RASSF3: variants seen among roughly 807,000 people sequenced by gnomAD.
RASSF3 encodes the protein Ras association domain family member 3.
Under a neutral mutation model 19.9 loss-of-function variants are expected in RASSF3, and 19 were observed. That is an observed-to-expected ratio of 0.96 (90% CI 0.67 to 1.40). The LOEUF (loss-of-function observed/expected upper bound fraction) is 1.40, where lower values mean the gene tolerates loss of function less well. Ranked by LOEUF, RASSF3 falls within the 40% of genes most tolerant of loss-of-function variation. RASSF3 has a pLI of 0.00. For synonymous variants in RASSF3, 110 were observed against 104.2 expected, an observed-to-expected ratio of 1.06 and a Z score of -0.34; for missense variants, 306 against 289.8, an observed-to-expected ratio of 1.06 and a Z score of -0.41.
chr12:64,548,003 G>A (rs1220266668), intron 2 of RASSF3, among the ~76,000 whole-genome samples: 1 of 151,834 alleles, frequency 6.6e-6, no homozygotes, highest in Non-Finnish European at 1.5e-5. Flanking sequence ...TCGTAAAACT[G>A]GAAATCAGTA....
chr12:64,597,564 C>A (rs1412822014), intron 2 of RASSF3, among the ~76,000 whole-genome samples: 1 of 151,930 alleles, frequency 6.6e-6, no homozygotes, highest in Non-Finnish European at 1.5e-5. Flanking sequence ...TCAAGTGATT[C>A]TCCTGCCTCA....
chr12:64,583,566 G>A (rs1353193165), intron 2 of RASSF3, among the ~76,000 whole-genome samples: 1 of 152,210 alleles, frequency 6.6e-6, no homozygotes, highest in African/African-American at 2.4e-5. Context: ...AGGTTATAGT[G>A]AGCCAAGATT....
At chr12:64,660,930 C>T (rs1178073087) in intron 1 of RASSF3, among the ~76,000 whole-genome samples, 1 of 152,266 alleles carries the variant, frequency 6.6e-6, no homozygotes, top group Non-Finnish European at 1.5e-5. Context: ...AGCACACGAG[C>T]TTTCCTCCGA....
At chr12:64,566,966 C>G (rs895547015) in intron 2 of RASSF3, among the ~76,000 whole-genome samples, 2 of 152,142 alleles carry the variant, frequency 1.3e-5, no homozygotes, top group Non-Finnish European at 2.9e-5. Context: ...AAGGCTGAGA[C>G]CTTGAATCCT....
chr12:64,557,069 T>C (rs929457254), intron 2 of RASSF3, among the ~76,000 whole-genome samples: 1 of 152,046 alleles, frequency 6.6e-6, no homozygotes, highest in African/African-American at 2.4e-5. Flanking sequence ...CCTCCTGACC[T>C]CAGGTGATCC....
chr12:64,562,624 A>ATTTATTTTAT (rs10692627), intron 2 of RASSF3, among the ~76,000 whole-genome samples: 75,935 of 150,978 alleles, frequency 0.5, 21,919 homozygotes, highest in Non-Finnish European at 0.65. Flanking sequence ...TTTAAATTTT[A>ATTTATTTTAT]TTTATTTTAT....
intron 2 of RASSF3, among the ~76,000 whole-genome samples, chr12:64,553,989 A>AG (rs1213687541): frequency 6.6e-6 from 1 of 151,732 alleles, no homozygotes; most frequent in African/African-American, 2.4e-5. Context: ...AAAAAAAAAA[A>AG]AAAAGAAAGA....
At chr12:64,541,477 G>C (rs1868932749) in intron 1 of RASSF3, 1 of 396,522 alleles carries the variant, frequency 2.5e-6, no homozygotes, top group South Asian at 1.4e-4. Context: ...CAGGTTGAAT[G>C]CTGGCTTTTT....
intron 2 of RASSF3, among the ~76,000 whole-genome samples, chr12:64,567,770 G>A (rs1869453954): frequency 6.6e-6 from 1 of 152,236 alleles, no homozygotes; most frequent in Admixed American, 6.5e-5. Context: ...CCTGGGAGAT[G>A]TGGCTCCACA....
chr12:64,629,961 C>CAAAAAAAAAAAAAAAAA (rs34700817), intron 1 of RASSF3: 14 of 59,276 alleles, frequency 2.4e-4, no homozygotes, highest in South Asian at 6.7e-4. Context: ...GACTCCATCT[C>CAAAAAAAAAAAAAAAAA]AAAAAAAAAA....
At chr12:64,693,480 G>A (rs541905964) in intron 4 of RASSF3, among the ~76,000 whole-genome samples, 9 of 151,464 alleles carry the variant, frequency 5.9e-5, no homozygotes, top group East Asian at 1.9e-4. Context: ...GTACAGTGGC[G>A]CAATCATGGC....
intron 2 of RASSF3, among the ~76,000 whole-genome samples, chr12:64,581,253 T>A (rs1332842032): frequency 6.6e-6 from 1 of 152,190 alleles, no homozygotes; most frequent in African/African-American, 2.4e-5. Context: ...TCTCTGTAGA[T>A]TCCCCAGGGT....
chr12:64,655,747 C>T (rs1202237419), intron 1 of RASSF3, among the ~76,000 whole-genome samples: 2 of 152,064 alleles, frequency 1.3e-5, no homozygotes, highest in Non-Finnish European at 1.5e-5. Flanking sequence ...TAAATTTGGG[C>T]CGGGTGCAGT....
intron 1 of RASSF3, among the ~76,000 whole-genome samples, chr12:64,651,011 A>G (rs541684026): frequency 6.6e-6 from 1 of 152,304 alleles, no homozygotes; most frequent in African/African-American, 2.4e-5. Flanking sequence ...GTGGTTTCCA[A>G]GATCTGTTTG....
At chr12:64,554,945 T>G (rs1869231767) in intron 2 of RASSF3, among the ~76,000 whole-genome samples, 1 of 152,082 alleles carries the variant, frequency 6.6e-6, no homozygotes, top group South Asian at 2.1e-4. Flanking sequence ...TTTTATTGTT[T>G]GAAAAAAAAT....
At chr12:64,539,929 T>C (rs1868906621) in intron 1 of RASSF3, among the ~76,000 whole-genome samples, 1 of 152,212 alleles carries the variant, frequency 6.6e-6, no homozygotes, top group Admixed American at 6.5e-5. Flanking sequence ...ATAGTCTATC[T>C]GTATGATAGA....
At chr12:64,693,600 G>A (rs1868315436) in intron 4 of RASSF3, among the ~76,000 whole-genome samples, 1 of 151,976 alleles carries the variant, frequency 6.6e-6, no homozygotes, top group Non-Finnish European at 1.5e-5. Flanking sequence ...TAAATTTTTT[G>A]TAGCGACCTG....
At chr12:64,679,501 T>C (rs1391012422) in intron 1 of RASSF3, among the ~76,000 whole-genome samples, 1 of 152,226 alleles carries the variant, frequency 6.6e-6, no homozygotes, top group Non-Finnish European at 1.5e-5. Context: ...TGAGATTTGT[T>C]GGGACATATT....
chr12:64,646,473 G>A (rs1206815823), intron 1 of RASSF3, among the ~76,000 whole-genome samples: 1 of 152,212 alleles, frequency 6.6e-6, no homozygotes, highest in African/African-American at 2.4e-5. Context: ...TGCAAGTTGG[G>A]TGGGATGAAG....
Sources: allele counts gnomAD v4.1 joint callset (sites outside exome capture counted in the v4.1 genomes callset), GRCh38; gene constraint gnomAD v4.1.1; transcripts MANE v1.5; gene names NCBI Gene and HGNC (gene_info 2026-07-23, HGNC 2026-07-21).